The following FSIP2 variants were observed in gnomAD, a reference collection of about 807,000 sequenced individuals.
FSIP2 encodes the protein fibrous sheath interacting protein 2, also known as fibrous sheath-interacting protein 2.
A neutral mutation model predicts 510.5 loss-of-function variants in FSIP2; 367 were observed. The observed-to-expected ratio is 0.72, with a 90% CI of 0.66 to 0.78. FSIP2 has a LOEUF of 0.78. Ranked by LOEUF, FSIP2 falls within the 30% of genes least tolerant of loss-of-function variation. The probability of loss-of-function intolerance (pLI) is 0.00; values close to 1 mark genes in which losing one functional copy is unlikely to be tolerated. For missense variants in FSIP2, 7,594 were observed against 7,901.7 expected, an observed-to-expected ratio of 0.96 and a Z score of 1.48; for synonymous variants, 2,601 against 2,732.2, an observed-to-expected ratio of 0.95 and a Z score of 1.50.
intron 13 of FSIP2, among the ~76,000 whole-genome samples, chr2:185,776,622 TCATTGA>T (rs1692728003): frequency 6.6e-6 from 1 of 152,208 alleles, no homozygotes; most frequent in Non-Finnish European, 1.5e-5. Flanking sequence ...AAATCTGTTT[TCATTGA>T]CATTAAATTT....
intron 14 of FSIP2, chr2:185,783,757 A>C (rs2105598724): frequency 6.6e-6 from 1 of 152,228 alleles, no homozygotes; most frequent in African/African-American, 2.4e-5. Flanking sequence ...TATTTATTAG[A>C]AATATAAATA....
Position 185,813,642 on chromosome 2 carries a change from G to A in FSIP2, c.19925G>A (p.Arg6642Gln), listed in dbSNP as rs773551789. 3.1e-5 allele frequency: 49 copies of A among 1,599,146 alleles called. No individual in the cohort carries two copies. The highest frequency in any genetic ancestry group is 1.3e-4 in the African/African-American group (10 of 74,140). ...DVQSKNDLIV[R>Q]LVAHDIDQVY... ...CAAAGTAAAAATGATCTTATTGTTC[G>A]ATTAGTAGCTCATGATATTGATCAA... The change falls in exon 18 of 23, where the codon CGA becomes CAA. Residue 6642 changes from arginine to glutamine, a missense_variant. Coordinates refer to ENST00000424728, the MANE Select transcript of FSIP2 (RefSeq NM_173651.4).
rs751468761 is a variant in FSIP2, at chr2:185,805,228, A to T, written c.15922A>T (p.Ile5308Phe). The T allele has an allele frequency of 2.6e-5, 41 of 1,599,732 alleles. No individual in the cohort carries two copies. Among genetic ancestry groups the T allele is most frequent in the Non-Finnish European group, 3.3e-5 (39 of 1,174,692 alleles). ...GAAAAATGAAATGGCAGAGCTAGAT[A>T]TTATGGGCTTGGCTCTAAAACTTGC... ...SKKNEMAELDIMGLALKLANS... is the reference protein window; with the variant it reads ...SKKNEMAELDFMGLALKLANS... Residue 5308 changes from isoleucine to phenylalanine, a missense_variant, in exon 17 of 23, where the codon ATT becomes TTT. By Grantham distance (21) the Ile-to-Phe change is conservative. Coordinates refer to ENST00000424728, the MANE Select transcript of FSIP2 (RefSeq NM_173651.4).
intron 15 of FSIP2, among the ~76,000 whole-genome samples, 162 bp downstream of exon 15, chr2:185,786,450 A>T (rs550168245): frequency 6.6e-6 from 1 of 151,876 alleles, no homozygotes; most frequent in African/African-American, 2.4e-5. Context: ...CTTTCAGTTA[A>T]TTCTTATACT....
At chr2:185,773,679 A>C (rs924652968) in intron 13 of FSIP2, among the ~76,000 whole-genome samples, 3 of 152,154 alleles carry the variant, frequency 2.0e-5, no homozygotes, top group Non-Finnish European at 2.9e-5. Flanking sequence ...CTGTTTTTAT[A>C]TCTTAACCTC....
At chr2:185,765,425 C>G (rs1306709667) in intron 13 of FSIP2, 4 of 151,846 alleles carry the variant, frequency 2.6e-5, no homozygotes, top group Non-Finnish European at 5.9e-5. Flanking sequence ...GCTTGTTTTT[C>G]TCAGGTTTGT....
Position 185,764,489 on chromosome 2 carries a change from G to A in FSIP2, c.1348-13G>A. 2 of 1,515,758 alleles carry A rather than the reference G, an allele frequency of 1.3e-6. No individual in the cohort carries two copies. Among genetic ancestry groups the A allele is most frequent in the Non-Finnish European group, 1.8e-6 (2 of 1,132,874 alleles). 93.9% of individuals were successfully genotyped at this position (1,515,758 alleles called of 1,614,324 possible). On this transcript the variant is annotated splice_polypyrimidine_tract_variant and intron_variant, in intron 12 of 22. Coordinates refer to ENST00000424728, the MANE Select transcript of FSIP2 (RefSeq NM_173651.4). Reference sequence around the variant, plus strand: ...TTGTGGATCTATTTGTTTTGCTGTTGTGAATTATGTAGAAGGAGACAAATG... The same window carrying A: ...TTGTGGATCTATTTGTTTTGCTGTTATGAATTATGTAGAAGGAGACAAATG...
At chr2:185,746,607 G>T in intron 5 of FSIP2, 62 bp from the exon 6 acceptor site, 2 of 1,288,826 alleles carry the variant, frequency 1.6e-6, no homozygotes, top group Non-Finnish European at 2.1e-6. Flanking sequence ...TGGCATAGCA[G>T]ATGATGCCAT....
At chr2:185,786,049 T>C (rs1489752554) in intron 14 of FSIP2, among the ~76,000 whole-genome samples, 1 of 151,846 alleles carries the variant, frequency 6.6e-6, no homozygotes, top group South Asian at 2.1e-4. Flanking sequence ...CCCTGGGTAA[T>C]AAAGCACATT....
intron 19 of FSIP2, 56 bp from the exon 20 acceptor site, chr2:185,824,378 T>G: frequency 8.6e-7 from 1 of 1,166,208 alleles, no homozygotes; most frequent in Non-Finnish European, 1.3e-6. Context: ...GCTTAACCAG[T>G]AACTTCTTCA....
At chr2:185,754,632 T>C (rs531738176) in intron 8 of FSIP2, among the ~76,000 whole-genome samples, 11 of 151,630 alleles carry the variant, frequency 7.3e-5, no homozygotes, top group African/African-American at 2.4e-4. Context: ...CTTAAAGCTA[T>C]TACCTATTAA....
rs780020525 is a variant in FSIP2 at position 185,788,769 on chromosome 2, G to A, written c.1633G>A (p.Val545Ile). 25 of 1,534,262 alleles carry A rather than the reference G, an allele frequency of 1.6e-5. No individual in the cohort carries two copies. Among genetic ancestry groups the A allele is most frequent in the Admixed American group, 1.6e-4 (8 of 50,838 alleles). ...EKRLQNNTYPVSDDSILSSDS... is the reference protein window; with the variant it reads ...EKRLQNNTYPISDDSILSSDS... ...AAGATTGCAAAATAATACATACCCA[G>A]TATCTGATGACTCCATCCTCTCTTC... Residue 545 changes from valine to isoleucine, a missense_variant, in exon 16 of 23, where the codon GTA (valine) becomes ATA (isoleucine). Transcript: ENST00000424728.
rs777311636 is a variant in FSIP2 at position 185,805,860 on chromosome 2, G to C, written c.16554G>C (p.Lys5518Asn). The C allele has an allele frequency of 6.8e-6, 11 of 1,608,328 alleles. No individual in the cohort carries two copies. The Admixed American group carries it at 1.7e-4, about 25-fold the overall frequency. Residue 5518 changes from lysine to asparagine, a missense_variant, in exon 17 of 23, where the codon AAG (lysine) becomes AAC (asparagine). By Grantham distance (94) the Lys-to-Asn change is moderately conservative. Transcript: ENST00000424728. ...SGLATGVTNK[K>N]EVDENKVGIC... is the part of the protein sequence containing the mutation. ...TGGCTACAGGTGTGACAAATAAAAA[G>C]GAAGTGGATGAAAATAAAGTGGGAA...
In FSIP2 at chr2:185,813,970, G is replaced by A; in HGVS notation, c.20253G>A (p.Glu6751=). 6.2e-7 allele frequency: 1 copy of A among 1,613,508 alleles called. No individual in the cohort carries two copies. Among genetic ancestry groups the A allele is most frequent in the Non-Finnish European group, 8.5e-7 (1 of 1,179,650 alleles). Residue 6751 remains glutamate (E), a synonymous_variant, in exon 18 of 23, where the codon GAG becomes GAA. Coordinates refer to ENST00000424728, the MANE Select transcript of FSIP2 (RefSeq NM_173651.4). The part of the protein sequence containing the change: ...KETHVKRAVA[E]LDMATPKTMP... The stretch of plus-strand genomic sequence containing the variant: ...CACATGTTAAAAGAGCTGTTGCTGA[G>A]CTTGACATGGCCACACCAAAGACGA...
At chr2:185,746,929 A>G (rs1413728706) in intron 6 of FSIP2, 119 bp downstream of exon 6, 2 of 748,534 alleles carry the variant, frequency 2.7e-6, no homozygotes. Flanking sequence ...ATAATTTGTT[A>G]CCATTAAATT....
At chr2:185,774,851 G>A (rs370664922) in intron 13 of FSIP2, among the ~76,000 whole-genome samples, 1 of 72,798 alleles carries the variant, frequency 1.4e-5, no homozygotes, top group Admixed American at 1.4e-4. Context: ...TTGTTCCTGC[G>A]ATAGTTTACT....
At chr2:185,767,589 T>A (rs1692515916) in intron 13 of FSIP2, among the ~76,000 whole-genome samples, 1 of 152,162 alleles carries the variant, frequency 6.6e-6, no homozygotes, top group African/African-American at 2.4e-5. Context: ...TTCTCCAAGT[T>A]CTTTGATGTT....
chr2:185,742,539 T>C (rs1691944097), intron 2 of FSIP2, among the ~76,000 whole-genome samples: 1 of 152,212 alleles, frequency 6.6e-6, no homozygotes, highest in Admixed American at 6.5e-5. Context: ...AGACCTCAGG[T>C]ATTCTTCTTA....
At chr2:185,780,530 T>TTA (rs1376410409) in intron 13 of FSIP2, among the ~76,000 whole-genome samples, 3 of 151,604 alleles carry the variant, frequency 2.0e-5, no homozygotes, top group African/African-American at 7.2e-5. Flanking sequence ...TTTGGACTTC[T>TTA]TATAGGCTCT....
Sources: allele counts gnomAD v4.1 joint callset (sites outside exome capture counted in the v4.1 genomes callset), GRCh38; gene constraint gnomAD v4.1.1; transcripts MANE v1.5; gene names NCBI Gene and HGNC (gene_info 2026-07-23, HGNC 2026-07-21).